Variants in TMEM40 observed in about 807,000 individuals in gnomAD.
The protein encoded by TMEM40 is transmembrane protein 40.
TMEM40 carries 34 observed loss-of-function variants against 40.8 expected under a neutral mutation model. The ratio of observed to expected loss-of-function variants is 0.83; its 90% CI spans 0.63 to 1.11. TMEM40 has a LOEUF of 1.11. Ranked by LOEUF, TMEM40 falls within the 50% of genes least tolerant of loss-of-function variation. The pLI is 0.00. For missense variants in TMEM40, 296 were observed against 280.2 expected (o/e 1.06, Z -0.40); for synonymous variants, 106 against 107.0 (o/e 0.99, Z 0.06).
At chr3:12,737,889 T>C in intron 7 of TMEM40, 135 bp from the exon 8 acceptor site, 1 of 995,772 alleles carries the variant, frequency 1.0e-6, no homozygotes, top group Non-Finnish European at 1.6e-6. Context: ...GCAGGACCAG[T>C]CAAACTGTGA....
chr3:12,736,563 G>A lies in TMEM40; in HGVS notation c.619+15C>T. 3.2e-6 allele frequency: 5 copies of A among 1,552,080 alleles called. No homozygotes were observed. The highest frequency in any genetic ancestry group is 4.4e-6 in the Non-Finnish European group (5 of 1,146,998). ...AAGAGACTGTGTGTGTGTCCATGCT[G>A]GGGGAGGGGCTTACCTAGTCCGAAG... On this transcript the variant is annotated intron_variant, in intron 10 of 11. Coordinates refer to ENST00000314124, the MANE Select transcript of TMEM40 (RefSeq NM_018306.4).
At chr3:12,743,780 G>T (rs2061401263) in intron 4 of TMEM40, 120 bp downstream of exon 4, 1 of 918,792 alleles carries the variant, frequency 1.1e-6, no homozygotes, top group Non-Finnish European at 1.7e-6. Flanking sequence ...CTGCTGTCAG[G>T]CTATTTCCTA....
At position 12,755,209 on chromosome 3, in the gene TMEM40, T is replaced by TACTTTC. The variant is rs1553634004; in HGVS notation, c.-9+3981_-9+3982insGAAAGT. Among the ~76,000 whole-genome samples the TACTTTC allele has an allele frequency of 3.4e-3, 269 of 78,088 alleles. 11 individuals are homozygous for TACTTTC. Among genetic ancestry groups the TACTTTC allele is most frequent in the Non-Finnish European group, 4.7e-3 (186 of 39,542 alleles). The allele number at this position is 78,088 out of a possible 152,430, so 51.2% of individuals were successfully genotyped here. A position where few individuals can be genotyped will look rare whatever the true frequency, so the allele number is the denominator to read the frequency against. ...TTCCTTCCTTCCTTCCTTTCTTTCTTTCTTTCTCTCTCTCTCTCTCTCTCT... is the reference window on the plus strand; with the variant it reads ...TTCCTTCCTTCCTTCCTTTCTTTCTTACTTTCTCTTTCTCTCTCTCTCTCTCTCTCT... On this transcript the variant is annotated intron_variant, in intron 1 of 11. Transcript: ENST00000314124.
chr3:12,742,097 G>A (rs2061387679), intron 5 of TMEM40, among the ~76,000 whole-genome samples: 1 of 152,194 alleles, frequency 6.6e-6, no homozygotes, highest in Non-Finnish European at 1.5e-5. Flanking sequence ...TGGGCTGGTG[G>A]TGGGCGCCTG....
chr3:12,761,240 G>A (rs1169857201), upstream of TMEM40, among the ~76,000 whole-genome samples: 1 of 152,168 alleles, frequency 6.6e-6, no homozygotes, highest in Non-Finnish European at 1.5e-5. Context: ...GAGAGGCAGG[G>A]CCTCAGCAGC....
At chr3:12,738,637 GGGA>G (rs897067639) in intron 5 of TMEM40, 49 bp from the exon 6 acceptor site, 1 of 1,593,226 alleles carries the variant, frequency 6.3e-7, no homozygotes, top group African/African-American at 1.3e-5. Context: ...CCTCTGGGGG[GGGA>G]GAAGTCATGC....
intron 4 of TMEM40, 138 bp from the exon 5 acceptor site, chr3:12,742,645 C>A (rs960607703): frequency 1.4e-5 from 12 of 882,188 alleles, no homozygotes; most frequent in Non-Finnish European, 1.9e-5. Context: ...CTTCAGGAGG[C>A]AAGGCAGCAC....
intron 1 of TMEM40, among the ~76,000 whole-genome samples, chr3:12,756,449 T>C (rs1400424896): frequency 6.6e-6 from 1 of 152,212 alleles, no homozygotes; most frequent in African/African-American, 2.4e-5. Flanking sequence ...TAGGGGATGC[T>C]AGTCCTGGTT....
intron 1 of TMEM40, among the ~76,000 whole-genome samples, chr3:12,768,921 G>T (rs1410918658): frequency 2.4e-5 from 2 of 84,874 alleles, no homozygotes; most frequent in Non-Finnish European, 4.9e-5. Context: ...CCGGGGCCGG[G>T]GCCGGGGCGG....
intron 1 of TMEM40, among the ~76,000 whole-genome samples, chr3:12,765,566 C>CTTT (rs530745103): frequency 8.0e-6 from 1 of 125,710 alleles, no homozygotes. Flanking sequence ...TGTTTGATTA[C>CTTT]TTTTTTTTTT....
intron 1 of TMEM40, among the ~76,000 whole-genome samples, chr3:12,755,143 T>C (rs940567732): frequency 1.7e-4 from 25 of 150,588 alleles, no homozygotes; most frequent in Middle Eastern, 3.4e-3. Context: ...TTTCTTTCCT[T>C]CTCTTTCTTT....
intron 1 of TMEM40, among the ~76,000 whole-genome samples, chr3:12,755,156 TTCTC>T (rs1301639063): frequency 3.3e-5 from 5 of 149,664 alleles, no homozygotes; most frequent in Admixed American, 6.7e-5. Context: ...CTTTCTTTCT[TTCTC>T]TTTCTTTCTT....
At position 12,755,226 on chromosome 3, in the gene TMEM40, TC is replaced by T. The variant is rs1559533284; in HGVS notation, c.-9+3964del. 5.2e-3 allele frequency among the ~76,000 whole-genome samples: 476 copies of T among 91,326 alleles called. 4 individuals carry two copies. Among genetic ancestry groups the T allele is most frequent in the African/African-American group, 0.029 (443 of 15,048 alleles). 59.9% of individuals were successfully genotyped at this position (91,326 alleles called of 152,430 possible). A position where few individuals can be genotyped will look rare whatever the true frequency, so the allele number is the denominator to read the frequency against. On this transcript the variant is annotated intron_variant, in intron 1 of 11. Coordinates refer to ENST00000314124, the MANE Select transcript of TMEM40 (RefSeq NM_018306.4). The stretch of plus-strand genomic sequence containing the variant: ...TTCTTTCTTTCTTTCTCTCTCTCTC[TC>T]TCTCTCTCTTTCTTTCTTTCTTTCT...
Position 12,742,508 on chromosome 3 carries a change from C to T in TMEM40, c.302-1G>A. ...ACGTCAGGCTCCCCATGCCCAGGAC[C>T]TGGATGGAGACAAACCCCTTAGTCA... On this transcript the variant is annotated splice_acceptor_variant, in intron 4 of 11. Coordinates refer to ENST00000314124, the MANE Select transcript of TMEM40 (RefSeq NM_018306.4). LOFTEE classifies it high-confidence loss of function. 6.2e-7 allele frequency: 1 copy of T among 1,613,988 alleles called. No homozygotes were observed. The highest frequency in any genetic ancestry group is 1.6e-4 in the Middle Eastern group (1 of 6,062).
At chr3:12,755,205 T>TCTCTCTCTC in intron 1 of TMEM40, among the ~76,000 whole-genome samples, 1 of 83,270 alleles carries the variant, frequency 1.2e-5, no homozygotes, top group African/African-American at 6.5e-5. Context: ...CTTCCTTTCT[T>TCTCTCTCTC]TCTTTCTTTC....
chr3:12,759,125 T>C (rs1369847655), intron 1 of TMEM40, 66 bp downstream of exon 1: 1 of 152,350 alleles, frequency 6.6e-6, no homozygotes, highest in Non-Finnish European at 1.5e-5. Flanking sequence ...GAGGACACTC[T>C]TTCTCCCGAT....
Position 12,746,747 on chromosome 3 carries a change from T to C in TMEM40, c.211+1908A>G, listed in dbSNP as rs182930487. On this transcript the variant is annotated intron_variant, in intron 3 of 11. Coordinates refer to ENST00000314124, the MANE Select transcript of TMEM40 (RefSeq NM_018306.4). ...CTGGCTTTCTCCCGCTGCTTTCTCT[T>C]AGCGCTCCATTTGGCTAATTTCAGC... is the stretch of plus-strand genomic sequence containing the variant. Among the ~76,000 whole-genome samples the C allele has an allele frequency of 7.2e-5, 11 of 152,294 alleles. No homozygotes were observed. The East Asian group carries it at 2.1e-3, about 29-fold the overall frequency.
At chr3:12,765,697 G>A (rs1201254558) in intron 1 of TMEM40, among the ~76,000 whole-genome samples, 2 of 151,504 alleles carry the variant, frequency 1.3e-5, no homozygotes, top group Non-Finnish European at 2.9e-5. Context: ...AGCCTCCTGA[G>A]TAGCTGGGAC....
rs964914227 is a variant in TMEM40 at position 12,755,728 on chromosome 3, T to C, written c.-9+3463A>G. ...TGTCAGACACCACATGTCATGTCTA[T>C]TAAGTGGGGCTCCCAGAGGCCAGTG... On this transcript the variant is annotated intron_variant, in intron 1 of 11. Transcript: ENST00000314124. 3.3e-5 allele frequency among the ~76,000 whole-genome samples: 5 copies of C among 152,206 alleles called. No homozygotes were observed. In the East Asian group the frequency reaches 5.8e-4, roughly 18 times the overall value.
Sources: allele counts gnomAD v4.1 joint callset (sites outside exome capture counted in the v4.1 genomes callset), GRCh38; gene constraint gnomAD v4.1.1; transcripts MANE v1.5; gene names NCBI Gene and HGNC (gene_info 2026-07-23, HGNC 2026-07-21).